The following TTC28 variants were observed in gnomAD, a reference collection of about 807,000 sequenced individuals.
TTC28 encodes tetratricopeptide repeat protein 28.
In TTC28, 61 loss-of-function variants were observed where a neutral mutation model predicts 198.0. That is an observed-to-expected ratio of 0.31 (90% CI 0.25 to 0.38). The LOEUF (loss-of-function observed/expected upper bound fraction) is 0.38, where lower values mean the gene tolerates loss of function less well. Among genes scored for constraint, TTC28 ranks in the 10% least tolerant of loss-of-function variants. The pLI is 1.00. For missense variants in TTC28, 2,678 were observed against 3,164.0 expected (o/e 0.85, Z 3.69); for synonymous variants, 1,171 against 1,297.8 (o/e 0.90, Z 2.10).
intron 2 of TTC28, among the ~76,000 whole-genome samples, chr22:28,376,695 G>A (rs2046415355): frequency 6.6e-6 from 1 of 152,150 alleles, no homozygotes; most frequent in Non-Finnish European, 1.5e-5. Context: ...AGAGCCCACT[G>A]GTCTTAGTTG....
chr22:28,037,746 C>T (rs1939426286), intron 12 of TTC28, among the ~76,000 whole-genome samples: 1 of 152,188 alleles, frequency 6.6e-6, no homozygotes. Flanking sequence ...TTGCAGATGA[C>T]ATGATTGTAT....
At chr22:28,075,259 T>G (rs2146788021) in intron 12 of TTC28, among the ~76,000 whole-genome samples, 1 of 152,308 alleles carries the variant, frequency 6.6e-6, no homozygotes, top group Middle Eastern at 3.4e-3. Flanking sequence ...TGAACTCATT[T>G]TGTTCTCAGC....
At chr22:28,183,173 C>T (rs1923870919) in intron 5 of TTC28, among the ~76,000 whole-genome samples, 1 of 152,040 alleles carries the variant, frequency 6.6e-6, no homozygotes, top group Admixed American at 6.6e-5. Context: ...GTTCCCCCCA[C>T]CTCAGCCTTC....
rs887905068 is a variant in TTC28 at position 28,297,787 on chromosome 22, C to G, written c.595G>C (p.Val199Leu). ...MKLDKSPFVV[V>L]SVVGQELLTA... ...AGGAGTTCCTGCCCAACCACAGACA[C>G]GACCACAAAGGGACTCTTGTCCAGT... Residue 199 changes from valine (V) to leucine (L), a missense_variant, in exon 4 of 23, where the codon GTG (valine) becomes CTG (leucine). Physicochemically the swap from Val to Leu is conservative, Grantham distance 32 (BLOSUM62 1). Coordinates refer to ENST00000397906, the MANE Select transcript of TTC28 (RefSeq NM_001145418.2). The G allele has an allele frequency of 1.3e-6, 2 of 1,551,642 alleles. No individual in the cohort carries two copies. The highest frequency in any genetic ancestry group is 1.7e-6 in the Non-Finnish European group (2 of 1,146,982).
chr22:28,144,086 T>C (rs1943404537), intron 6 of TTC28, among the ~76,000 whole-genome samples: 1 of 152,224 alleles, frequency 6.6e-6, no homozygotes, highest in East Asian at 1.9e-4. Flanking sequence ...TTCCTGAGCC[T>C]GTACTGTGCC....
chr22:28,519,726 G>A (rs964988207), intron 2 of TTC28, among the ~76,000 whole-genome samples: 1 of 152,152 alleles, frequency 6.6e-6, no homozygotes, highest in Non-Finnish European at 1.5e-5. Context: ...CTGCCTTAAA[G>A]TCAGCATGAG....
intron 6 of TTC28, among the ~76,000 whole-genome samples, chr22:28,112,327 C>T (rs1415725831): frequency 1.3e-5 from 2 of 152,066 alleles, no homozygotes; most frequent in African/African-American, 4.8e-5. Context: ...AGGGAGCAGT[C>T]GGGATGATAA....
At chr22:28,426,174 T>C (rs2047346994) in intron 2 of TTC28, among the ~76,000 whole-genome samples, 1 of 140,016 alleles carries the variant, frequency 7.1e-6, no homozygotes, top group African/African-American at 2.7e-5. Flanking sequence ...ATCGCAACAC[T>C]GCACGCCAGC....
At chr22:28,256,995 A>C (rs1340082212) in intron 5 of TTC28, among the ~76,000 whole-genome samples, 1 of 152,248 alleles carries the variant, frequency 6.6e-6, no homozygotes, top group Non-Finnish European at 1.5e-5. Flanking sequence ...AGCTATGATC[A>C]CACCACTATA....
chr22:28,010,772 GC>G (rs1229312940), intron 14 of TTC28, among the ~76,000 whole-genome samples: 2 of 152,308 alleles, frequency 1.3e-5, no homozygotes, highest in African/African-American at 2.4e-5. Context: ...TCTTGGGAGA[GC>G]CCCCAGGTTC....
chr22:28,205,049 T>C (rs1926279762), intron 5 of TTC28, among the ~76,000 whole-genome samples: 1 of 152,178 alleles, frequency 6.6e-6, no homozygotes, highest in Non-Finnish European at 1.5e-5. Context: ...ACCAACTCAC[T>C]ATCAGCCTTA....
intron 5 of TTC28, among the ~76,000 whole-genome samples, chr22:28,270,303 T>C (rs1008141357): frequency 6.6e-6 from 1 of 152,132 alleles, no homozygotes; most frequent in East Asian, 1.9e-4. Context: ...GAGCAAATAT[T>C]GCAAATGTGA....
Position 28,382,207 on chromosome 22 carries a change from C to A in TTC28, c.382-75564G>T, listed in dbSNP as rs77850798. ...AAATAAAGTAAACCCTCATCCAAACCAACCAAATTTCAAAGTAAAGTAAAT... is the reference window on the plus strand; with the variant it reads ...AAATAAAGTAAACCCTCATCCAAACAAACCAAATTTCAAAGTAAAGTAAAT... On this transcript the variant is annotated intron_variant, in intron 2 of 22. Transcript: ENST00000397906. Among the ~76,000 whole-genome samples, 1,187 of 152,224 alleles carry A rather than the reference C, an allele frequency of 7.8e-3. 23 individuals carry two copies. The highest frequency in any genetic ancestry group is 0.026 in the African/African-American group (1,094 of 41,536).
chr22:28,558,778 C>A (rs191940811), intron 2 of TTC28, among the ~76,000 whole-genome samples: 14 of 152,278 alleles, frequency 9.2e-5, no homozygotes, highest in Non-Finnish European at 1.8e-4. Flanking sequence ...TGCCTGTAAT[C>A]CCAGCACTTT....
intron 2 of TTC28, among the ~76,000 whole-genome samples, chr22:28,554,829 C>A (rs1294377432): frequency 1.3e-5 from 2 of 152,114 alleles, no homozygotes; most frequent in Non-Finnish European, 2.9e-5. Context: ...CGAGATTGTA[C>A]CACTCTACTC....
chr22:28,547,925 C>T (rs1487166143), intron 2 of TTC28, among the ~76,000 whole-genome samples: 1 of 151,618 alleles, frequency 6.6e-6, no homozygotes, highest in Non-Finnish European at 1.5e-5. Context: ...CTTAGCACTA[C>T]AATCACTCCA....
chr22:28,621,757 A>G (rs1231644644), intron 2 of TTC28, among the ~76,000 whole-genome samples: 4 of 149,832 alleles, frequency 2.7e-5, no homozygotes, highest in Admixed American at 6.6e-5. Context: ...AAAAAAAAAA[A>G]AAAAAGAAAG....
chr22:28,196,460 C>T (rs1297610117), intron 5 of TTC28, among the ~76,000 whole-genome samples: 1 of 152,136 alleles, frequency 6.6e-6, no homozygotes, highest in Non-Finnish European at 1.5e-5. Context: ...AACTAAAGAG[C>T]TTCTGCACAG....
chr22:28,017,013 G>A (rs558693134), intron 13 of TTC28, among the ~76,000 whole-genome samples: 1 of 152,202 alleles, frequency 6.6e-6, no homozygotes, highest in African/African-American at 2.4e-5. Flanking sequence ...AAAATGTCTG[G>A]AAGAAGTGGT....
Sources: allele counts gnomAD v4.1 joint callset (sites outside exome capture counted in the v4.1 genomes callset), GRCh38; gene constraint gnomAD v4.1.1; transcripts MANE v1.5; gene names NCBI Gene and HGNC (gene_info 2026-07-23, HGNC 2026-07-21).